The following CNBD2 variants were observed in gnomAD, a reference collection of about 807,000 sequenced individuals.
CNBD2 encodes the protein cyclic nucleotide binding domain containing 2.
CNBD2 carries 64 observed loss-of-function variants against 63.7 expected under a neutral mutation model. The ratio of observed to expected loss-of-function variants is 1.00; its 90% CI spans 0.82 to 1.24. CNBD2 has a LOEUF of 1.24. CNBD2 is among the 50% of genes most tolerant of loss of function. The probability of loss-of-function intolerance (pLI) is 0.00; values close to 1 mark genes in which losing one functional copy is unlikely to be tolerated. For missense variants in CNBD2, 691 were observed against 713.5 expected, an observed-to-expected ratio of 0.97 and a Z score of 0.36; for synonymous variants, 229 against 255.4, an observed-to-expected ratio of 0.90 and a Z score of 0.99.
chr20:36,023,212 TTC>T (rs1337633231), intron 10 of CNBD2, among the ~76,000 whole-genome samples: 2 of 152,160 alleles, frequency 1.3e-5, no homozygotes, highest in African/African-American at 4.8e-5. Flanking sequence ...GTTTGAGGCC[TTC>T]TTTTTCCCAT....
At chr20:36,019,562 A>G (rs974903037) in intron 10 of CNBD2, among the ~76,000 whole-genome samples, 5 of 148,522 alleles carry the variant, frequency 3.4e-5, no homozygotes, top group Non-Finnish European at 7.4e-5. Context: ...AGAATAAGCT[A>G]TGGAACGACC....
intron 8 of CNBD2, among the ~76,000 whole-genome samples, chr20:36,005,026 A>C (rs551143914): frequency 6.6e-6 from 1 of 152,326 alleles, no homozygotes; most frequent in African/African-American, 2.4e-5. Flanking sequence ...ATATATCATA[A>C]TTAATTTAAT....
At chr20:36,010,542 G>A (rs370227700) in intron 9 of CNBD2, among the ~76,000 whole-genome samples, 3 of 152,102 alleles carry the variant, frequency 2.0e-5, no homozygotes, top group South Asian at 4.1e-4. Flanking sequence ...AGGCCAAAGC[G>A]GGTGGATCAC....
At chr20:36,028,725 G>C (rs1175292582) in intron 11 of CNBD2, among the ~76,000 whole-genome samples, 1 of 146,556 alleles carries the variant, frequency 6.8e-6, no homozygotes, top group Non-Finnish European at 1.5e-5. Context: ...GCCCAGGCTA[G>C]AGTGCAGTCT....
chr20:35,968,618 T>G lies in CNBD2; in HGVS notation c.-145T>G. ...GCAGGGCTTCCAGTAGCTGATGGTA[T>G]GGTAGGAGGAGTGGAGTGGAGCTCT... On this transcript the variant is annotated 5_prime_UTR_variant, in exon 1 of 12. It removes an upstream start codon present in the reference 5' UTR. Transcript: ENST00000373973. 1 of 574,216 alleles carries G rather than the reference T, an allele frequency of 1.7e-6. No individual in the cohort carries two copies. Among genetic ancestry groups the G allele is most frequent in the Non-Finnish European group, 3.2e-6 (1 of 316,186 alleles). The allele number at this position is 574,216 out of a possible 1,614,324, so 35.6% of individuals were successfully genotyped here.
Position 36,030,685 on chromosome 20 carries a change from A to AG in CNBD2, c.*39dup. ...AGGGGTCCTTATTTAGGACAAATAA[A>AG]GGATGGTGGATTGGGCGCTGTGCTT... On this transcript the variant is annotated 3_prime_UTR_variant, in exon 12 of 12. Coordinates refer to ENST00000373973, the MANE Select transcript of CNBD2 (RefSeq NM_001365709.1). 1 of 1,604,480 alleles carries AG rather than the reference A, an allele frequency of 6.2e-7. No individual in the cohort carries two copies. Among genetic ancestry groups the AG allele is most frequent in the Non-Finnish European group, 8.5e-7 (1 of 1,172,574 alleles).
At chr20:35,974,506 G>A (rs1326923447) in intron 2 of CNBD2, 1 of 153,856 alleles carries the variant, frequency 6.5e-6, no homozygotes, top group Non-Finnish European at 1.5e-5. Flanking sequence ...CAGAGCAGAA[G>A]CCTCTCAAGG....
At chr20:35,988,810 G>C (rs1256780198) in intron 7 of CNBD2, among the ~76,000 whole-genome samples, 1 of 152,018 alleles carries the variant, frequency 6.6e-6, no homozygotes. Context: ...TCACAGCTCT[G>C]CCAGCCTTGC....
chr20:36,008,603 T>C, intron 9 of CNBD2, 129 bp downstream of exon 9: 4 of 922,608 alleles, frequency 4.3e-6, no homozygotes, highest in Non-Finnish European at 6.3e-6. Context: ...TCCCAAAGGA[T>C]TGTGCATGAG....
intron 2 of CNBD2, among the ~76,000 whole-genome samples, chr20:35,961,177 T>C (rs1345677087): frequency 6.6e-6 from 1 of 152,182 alleles, no homozygotes; most frequent in Non-Finnish European, 1.5e-5. Context: ...GTGACCCACC[T>C]GCCTCAGCCT....
At position 35,969,275 on chromosome 20, in the gene CNBD2, T is replaced by C. The variant is rs567215940; in HGVS notation, c.51+462T>C. ...AGTACCTACTGCATAAATTTACTGA[T>C]TAAATGATTTACATATCAGAATAGT... On this transcript the variant is annotated intron_variant, in intron 1 of 11. Transcript: ENST00000373973. Among the ~76,000 whole-genome samples the C allele has an allele frequency of 9.8e-5, 15 of 152,332 alleles. No individual in the cohort carries two copies. In the South Asian group the frequency reaches 2.9e-3, roughly 29 times the overall value.
At chr20:36,026,061 T>C (rs2057279321) in intron 11 of CNBD2, among the ~76,000 whole-genome samples, 1 of 151,988 alleles carries the variant, frequency 6.6e-6, no homozygotes, top group African/African-American at 2.4e-5. Flanking sequence ...AGAGATGGGG[T>C]CTCACTCTGT....
At chr20:36,004,384 C>T (rs1357165261) in intron 8 of CNBD2, among the ~76,000 whole-genome samples, 1 of 152,092 alleles carries the variant, frequency 6.6e-6, no homozygotes, top group African/African-American at 2.4e-5. Flanking sequence ...GCTGCCTTGC[C>T]CTCCCCTGAC....
chr20:35,992,874 A>T (rs982466624), intron 7 of CNBD2, among the ~76,000 whole-genome samples: 1 of 151,788 alleles, frequency 6.6e-6, no homozygotes, highest in Non-Finnish European at 1.5e-5. Context: ...AGGGAGATCA[A>T]GCTGTCCCGA....
At chr20:35,978,867 A>G (rs900766092) in intron 3 of CNBD2, among the ~76,000 whole-genome samples, 10 of 152,234 alleles carry the variant, frequency 6.6e-5, no homozygotes, top group African/African-American at 2.4e-4. Context: ...TGGTAAACTC[A>G]GATGGTGGGG....
intron 3 of CNBD2, among the ~76,000 whole-genome samples, chr20:35,980,197 C>A (rs895456630): frequency 6.6e-6 from 1 of 152,114 alleles, no homozygotes; most frequent in African/African-American, 2.4e-5. Context: ...GGGATGTCAG[C>A]GTTGATATGT....
At position 35,987,499 on chromosome 20, in the gene CNBD2, T is replaced by TCAAAAGA; in HGVS notation, c.821_822insCAAAAGA (p.Gly275LysfsTer17). Reference sequence around the variant, plus strand: ...TATGGGCAGCTGATCTCAAAAGATTTTGGAGAGTCACCCTTCATCATGTTT... The same window carrying TCAAAAGA: ...TATGGGCAGCTGATCTCAAAAGATTTCAAAAGATGGAGAGTCACCCTTCATCATGTTT... On this transcript the variant is annotated frameshift_variant, in exon 7 of 12. Transcript: ENST00000373973. LOFTEE classifies it high-confidence loss of function. The TCAAAAGA allele has an allele frequency of 4.3e-6, 7 of 1,614,180 alleles. No homozygotes were observed. Among genetic ancestry groups the TCAAAAGA allele is most frequent in the Non-Finnish European group, 5.9e-6 (7 of 1,180,018 alleles).
chr20:36,004,820 C>T (rs926731281), intron 8 of CNBD2, among the ~76,000 whole-genome samples: 3 of 152,154 alleles, frequency 2.0e-5, no homozygotes, highest in Non-Finnish European at 4.4e-5. Context: ...ACCTCAGCCT[C>T]CCAAAGTGCT....
At chr20:36,004,974 A>T (rs529296425) in intron 8 of CNBD2, among the ~76,000 whole-genome samples, 1 of 152,342 alleles carries the variant, frequency 6.6e-6, no homozygotes, top group Non-Finnish European at 1.5e-5. Flanking sequence ...GCAGAAGTCT[A>T]GATCTATGTT....
Sources: allele counts gnomAD v4.1 joint callset (sites outside exome capture counted in the v4.1 genomes callset), GRCh38; gene constraint gnomAD v4.1.1; transcripts MANE v1.5; gene names NCBI Gene and HGNC (gene_info 2026-07-23, HGNC 2026-07-21).